The following RADX variants were observed in gnomAD, a reference collection of about 807,000 sequenced individuals.
RADX encodes the protein RPA1 related single stranded DNA binding protein, X-linked.
RADX carries 36 observed loss-of-function variants against 61.6 expected under a neutral mutation model. The ratio of observed to expected loss-of-function variants is 0.58; its 90% confidence interval spans 0.45 to 0.77. The LOEUF (loss-of-function observed/expected upper bound fraction) is 0.77. RADX is among the 30% of genes least tolerant of loss of function. RADX has a pLI of 0.00. For synonymous variants in RADX, 272 were observed against 237.9 expected (o/e 1.14, Z -1.32); for missense variants, 497 against 651.1 (o/e 0.76, Z 2.58).
At chrX:106,655,288 A>G (rs1451450356) in intron 11 of RADX, among the ~76,000 whole-genome samples, 8 of 96,712 alleles carry the variant, frequency 8.3e-5, no homozygotes, top group African/African-American at 2.9e-4. Flanking sequence ...TGGCTGTGGC[A>G]GTTTCTTTTT....
chrX:106,662,770 A>G (rs1380687882), intron 12 of RADX, among the ~76,000 whole-genome samples: 1 of 110,512 alleles, frequency 9.0e-6, no homozygotes, highest in Non-Finnish European at 1.9e-5. Context: ...ATAATAAAAT[A>G]ATCAAGTAAC....
chrX:106,622,533 C>T, intron 1 of RADX, 118 bp from the exon 2 acceptor site: 1 of 582,554 alleles, frequency 1.7e-6, no homozygotes, highest in Non-Finnish European at 2.7e-6. Flanking sequence ...CAAGGTTTAG[C>T]TGGCAAGAAG....
intron 13 of RADX, among the ~76,000 whole-genome samples, chrX:106,672,476 TACTC>T (rs1928390472): frequency 1.9e-5 from 2 of 102,841 alleles, no homozygotes; most frequent in South Asian, 3.9e-4. Flanking sequence ...CTCCCAAAGA[TACTC>T]TCTCTCTCTC....
chrX:106,627,368 A>G (rs957401693), intron 3 of RADX, among the ~76,000 whole-genome samples: 3 of 111,889 alleles, frequency 2.7e-5, no homozygotes, highest in Non-Finnish European at 5.6e-5. Flanking sequence ...ATAATAAAAT[A>G]TATTTATGGG....
chrX:106,677,737 G>C (rs1416076546), intron 13 of RADX, among the ~76,000 whole-genome samples: 11 of 110,875 alleles, frequency 9.9e-5, no homozygotes, highest in Admixed American at 9.6e-4. Context: ...CAAAAATATT[G>C]ATAATTGAAT....
At chrX:106,633,276 T>C (rs762302035) in intron 6 of RADX, 24 bp downstream of exon 6, 1 of 1,160,070 alleles carries the variant, frequency 8.6e-7, no homozygotes, top group Non-Finnish European at 1.2e-6. Flanking sequence ...AATATTTTTA[T>C]ATTATGTTTG....
At chrX:106,634,871 G>A (rs1927323959) in intron 6 of RADX, among the ~76,000 whole-genome samples, 1 of 112,183 alleles carries the variant, frequency 8.9e-6, no homozygotes, top group African/African-American at 3.2e-5. Context: ...TTTGGATAAA[G>A]ATTTCTCGCA....
intron 8 of RADX, 181 bp downstream of exon 8, chrX:106,638,105 A>T: frequency 4.9e-6 from 2 of 405,172 alleles, no homozygotes; most frequent in Non-Finnish European, 8.5e-6. Context: ...TATTTTCTAT[A>T]TAGTTTTCCC....
intron 11 of RADX, among the ~76,000 whole-genome samples, chrX:106,658,297 G>A (rs955963819): frequency 9.0e-6 from 1 of 111,589 alleles, no homozygotes; most frequent in Non-Finnish European, 1.9e-5. Context: ...GAAGAGTCAA[G>A]GATCCCTCAA....
intron 3 of RADX, among the ~76,000 whole-genome samples, chrX:106,625,530 A>C (rs1927055790): frequency 1.8e-5 from 2 of 111,409 alleles, no homozygotes; most frequent in Admixed American, 1.9e-4. Context: ...CTCCACTTGG[A>C]TTGTACTTAT....
At chrX:106,627,216 A>G (rs1157594897) in intron 3 of RADX, among the ~76,000 whole-genome samples, 1 of 111,788 alleles carries the variant, frequency 8.9e-6, no homozygotes, top group Non-Finnish European at 1.9e-5. Context: ...AGGCATTGCT[A>G]TGGGTTTAAA....
At chrX:106,638,345 C>T (rs1191795238) in intron 8 of RADX, 3 of 112,048 alleles carry the variant, frequency 2.7e-5, no homozygotes, top group Admixed American at 9.5e-5. Context: ...TCACTGCAAG[C>T]TCCGCCTCCC....
Position 106,665,387 on chromosome X carries a change from G to GA in RADX, c.2269+3089dup, listed in dbSNP as rs767955766. ...TGCAAATGAATGCACATGGCTGTTT[G>GA]AAAAAAACTTTATGTACACTAAAAT... On this transcript the variant is annotated intron_variant, in intron 12 of 13. Coordinates refer to ENST00000372548, the MANE Select transcript of RADX (RefSeq NM_018015.6). Among the ~76,000 whole-genome samples the GA allele has an allele frequency of 4.7e-4, 53 of 111,771 alleles. No homozygotes were observed. In the East Asian group the frequency reaches 0.013, roughly 28 times the overall value.
Position 106,636,581 on chromosome X carries a change from A to G in RADX, c.1342A>G (p.Asn448Asp). The G allele has an allele frequency of 8.3e-7, 1 of 1,203,948 alleles. No individual in the cohort carries two copies. The highest frequency in any genetic ancestry group is 2.3e-4 in the Middle Eastern group (1 of 4,292). The change falls in exon 7 of 14, where the codon AAT becomes GAT. Residue 448 changes from asparagine (N) to aspartate (D), a missense_variant. Coordinates refer to ENST00000372548, the MANE Select transcript of RADX (RefSeq NM_018015.6). ...GTGTACACAGTTGAAAGTTGTCAGA[A>G]ATGACAATCAAGTACCTAAGCTGCT... ...FVCTQLKVVR[N>D]DNQVPKLLYL...
chrX:106,643,478 C>T (rs1927576805), intron 10 of RADX, among the ~76,000 whole-genome samples: 1 of 111,319 alleles, frequency 9.0e-6, no homozygotes, highest in Non-Finnish European at 1.9e-5. Flanking sequence ...AGATTTAGGT[C>T]TTTAATCCAT....
intron 3 of RADX, among the ~76,000 whole-genome samples, chrX:106,626,026 T>C (rs1422181645): frequency 8.9e-6 from 1 of 111,791 alleles, no homozygotes; most frequent in African/African-American, 3.2e-5. Context: ...TGCCAATTGC[T>C]GCAATCTTGA....
intron 3 of RADX, among the ~76,000 whole-genome samples, chrX:106,628,163 G>GA (rs891992234): frequency 9.2e-5 from 10 of 108,694 alleles, no homozygotes; most frequent in South Asian, 3.9e-4. Context: ...CTTTTAAAGA[G>GA]AAAAAAAAAG....
At chrX:106,653,749 A>T (rs966686202) in intron 11 of RADX, among the ~76,000 whole-genome samples, 3 of 110,140 alleles carry the variant, frequency 2.7e-5, no homozygotes, top group African/African-American at 9.9e-5. Context: ...ATGTGTTCTC[A>T]TTGTTCAACT....
At chrX:106,634,466 A>G (rs750404692) in intron 6 of RADX, among the ~76,000 whole-genome samples, 1 of 111,506 alleles carries the variant, frequency 9.0e-6, no homozygotes, top group Non-Finnish European at 1.9e-5. Context: ...TTAACCAGCA[A>G]TAAGATAGAC....
Sources: gnomAD v4.1 joint callset for allele counts (sites outside exome capture counted in the v4.1 genomes callset) on GRCh38, gnomAD v4.1.1 for gene constraint, MANE v1.5 for transcripts, NCBI Gene and HGNC (gene_info 2026-07-23, HGNC 2026-07-21) for gene names.